Variants in MYCBP2 observed in about 807,000 individuals in gnomAD.
MYCBP2 encodes the protein E3 ubiquitin-protein ligase MYCBP2.
MYCBP2 carries 120 observed loss-of-function variants against 525.3 expected under a neutral mutation model. The ratio of observed to expected loss-of-function variants is 0.23; its 90% CI spans 0.20 to 0.27. The LOEUF (loss-of-function observed/expected upper bound fraction) is 0.27. MYCBP2 is among the 10% of genes least tolerant of loss of function. The pLI is 1.00. For synonymous variants in MYCBP2, 1,894 were observed against 1,955.8 expected (o/e 0.97, Z 0.83); for missense variants, 4,149 against 5,657.1 (o/e 0.73, Z 8.55).
chr13:77,064,565 G>A (rs775027580), intron 73 of MYCBP2, 50 bp downstream of exon 73: 23 of 1,512,738 alleles, frequency 1.5e-5, no homozygotes, highest in African/African-American at 2.8e-5. Flanking sequence ...AAAAGAACAC[G>A]CAATGATACA....
At chr13:77,073,620 C>A (rs1414841710) in intron 68 of MYCBP2, among the ~76,000 whole-genome samples, 1 of 152,044 alleles carries the variant, frequency 6.6e-6, no homozygotes, top group Non-Finnish European at 1.5e-5. Flanking sequence ...TTGAAGACTA[C>A]ATGATTATCT....
chr13:77,148,194 A>T (rs1594910407), intron 47 of MYCBP2, among the ~76,000 whole-genome samples: 1 of 152,134 alleles, frequency 6.6e-6, no homozygotes, highest in East Asian at 1.9e-4. Context: ...TGGATTTTTT[A>T]AAAAATGAGA....
At position 77,090,098 on chromosome 13, in the gene MYCBP2, A is replaced by G; in HGVS notation, c.10525+8T>C. 6.2e-7 allele frequency: 1 copy of G among 1,602,974 alleles called. No individual in the cohort carries two copies. Among genetic ancestry groups the G allele is most frequent in the South Asian group, 1.1e-5 (1 of 88,496 alleles). ...TCACTCAATATTCTTTTTTATCCTC[A>G]TACTTACCAGTGTCTCCACTGTTAA... is the stretch of plus-strand genomic sequence containing the variant. On this transcript the variant is annotated splice_region_variant and intron_variant, in intron 60 of 82. Transcript: ENST00000544440.
chr13:77,299,485 T>C (rs1353767900), intron 1 of MYCBP2, among the ~76,000 whole-genome samples: 1 of 152,140 alleles, frequency 6.6e-6, no homozygotes, highest in African/African-American at 2.4e-5. Flanking sequence ...GAGGTAGAAG[T>C]TTTCTAAAAG....
At chr13:77,153,252 A>G (rs2056760286) in intron 46 of MYCBP2, among the ~76,000 whole-genome samples, 1 of 152,050 alleles carries the variant, frequency 6.6e-6, no homozygotes, top group African/African-American at 2.4e-5. Flanking sequence ...ACAGACAACA[A>G]AGCTAAAAAA....
chr13:77,139,431 G>A (rs924633326), intron 51 of MYCBP2, 95 bp from the exon 52 acceptor site: 5 of 1,336,618 alleles, frequency 3.7e-6, no homozygotes, highest in Non-Finnish European at 5.1e-6. Context: ...AAATGATGGT[G>A]CATGTGCAGA....
At chr13:77,105,348 T>C (rs1262514641) in intron 55 of MYCBP2, among the ~76,000 whole-genome samples, 1 of 152,046 alleles carries the variant, frequency 6.6e-6, no homozygotes, top group Non-Finnish European at 1.5e-5. Context: ...TTCAATATAT[T>C]ACAAAGGCTA....
At chr13:77,260,808 T>C (rs1202000654) in intron 12 of MYCBP2, among the ~76,000 whole-genome samples, 1 of 152,208 alleles carries the variant, frequency 6.6e-6, no homozygotes, top group Non-Finnish European at 1.5e-5. Flanking sequence ...CATTGCTAGA[T>C]CCTCATTCCC....
At chr13:77,230,545 T>C (rs572720876) in intron 18 of MYCBP2, among the ~76,000 whole-genome samples, 37 of 152,364 alleles carry the variant, frequency 2.4e-4, no homozygotes, top group African/African-American at 8.7e-4. Flanking sequence ...ATGAGATATC[T>C]TGGGGATGGG....
Position 77,296,706 on chromosome 13 carries a change from A to G in MYCBP2, c.303-32T>C, listed in dbSNP as rs770261130. The G allele has an allele frequency of 5.5e-6, 7 of 1,270,192 alleles. No individual in the cohort carries two copies. The African/African-American group carries it at 1.1e-4, about 19-fold the overall frequency. 78.7% of individuals were successfully genotyped at this position (1,270,192 alleles called of 1,614,324 possible). A position where few individuals can be genotyped will look rare whatever the true frequency, so the allele number is the denominator to read the frequency against. On this transcript the variant is annotated intron_variant, in intron 1 of 82. Transcript: ENST00000544440. Reference sequence around the variant, plus strand: ...ATTAAAAGAAAAATGGGAAAAAAATATGAATGTTCATATTAGGACATACAA... The same window carrying G: ...ATTAAAAGAAAAATGGGAAAAAAATGTGAATGTTCATATTAGGACATACAA...
chr13:77,083,686 G>T (rs958970192), intron 62 of MYCBP2, among the ~76,000 whole-genome samples: 12 of 152,130 alleles, frequency 7.9e-5, no homozygotes, highest in Non-Finnish European at 1.5e-4. Flanking sequence ...GGAAAGAGAA[G>T]TAGGGGTTGA....
chr13:77,112,598 A>G (rs531919228), intron 55 of MYCBP2, among the ~76,000 whole-genome samples: 82 of 151,628 alleles, frequency 5.4e-4, no homozygotes, highest in African/African-American at 1.9e-3. Context: ...GCTGATCTTT[A>G]AAAAAATTTT....
chr13:77,136,108 C>G (rs1000294450), intron 52 of MYCBP2, among the ~76,000 whole-genome samples: 1 of 152,148 alleles, frequency 6.6e-6, no homozygotes, highest in South Asian at 2.1e-4. Context: ...CGTGAGCCAC[C>G]GTGCCCAGCC....
At chr13:77,158,382 C>G (rs1274661865) in intron 44 of MYCBP2, among the ~76,000 whole-genome samples, 1 of 152,114 alleles carries the variant, frequency 6.6e-6, no homozygotes, top group Non-Finnish European at 1.5e-5. Flanking sequence ...CCATGCCAGT[C>G]CTCTATATGT....
chr13:77,117,344 T>C (rs2049956933), intron 55 of MYCBP2, among the ~76,000 whole-genome samples: 1 of 152,058 alleles, frequency 6.6e-6, no homozygotes, highest in South Asian at 2.1e-4. Flanking sequence ...AATTAAACTT[T>C]CCTAATGGAT....
rs546404208 is a variant in MYCBP2 at position 77,246,589 on chromosome 13, G to A, written c.2382-2638C>T. Among the ~76,000 whole-genome samples the A allele has an allele frequency of 1.7e-3, 254 of 149,066 alleles. 1 individual carries two copies. The highest frequency in any genetic ancestry group is 6.9e-3 in the Middle Eastern group (2 of 288). On this transcript the variant is annotated intron_variant, in intron 15 of 82. Transcript: ENST00000544440. ...AGAAGGAGAAGGAGGAAAAGAAGGA[G>A]AAGGAGGAAGAGGAGGAGGAGAAGA...
At chr13:77,306,431 C>G (rs1427478024) in intron 1 of MYCBP2, among the ~76,000 whole-genome samples, 1 of 152,074 alleles carries the variant, frequency 6.6e-6, no homozygotes, top group Non-Finnish European at 1.5e-5. Context: ...GAGATGAAAA[C>G]AGATTTCTTA....
chr13:77,140,788 C>A (rs535116929), intron 50 of MYCBP2, 58 bp downstream of exon 50: 2 of 1,230,900 alleles, frequency 1.6e-6, no homozygotes, highest in African/African-American at 3.1e-5. Flanking sequence ...CATTTTGAAG[C>A]ATCAGTGACA....
At position 77,270,399 on chromosome 13, in the gene MYCBP2, T is replaced by C; in HGVS notation, c.1085A>G (p.Asp362Gly). The change falls in exon 6 of 83, where the codon GAT becomes GGT. Residue 362 changes from aspartate to glycine, a missense_variant. Around this residue, in one of 21 missense-constraint regions of MYCBP2, gnomAD observed 413 missense variants for 451.2 expected, o/e 0.92. Coordinates refer to ENST00000544440, the MANE Select transcript of MYCBP2 (RefSeq NM_015057.5). The part of the protein sequence containing the change: ...HKWPLKEISV[D>G]EDDQCLLQND... ...CTGAAGTAGACATTGGTCATCTTCA[T>C]CAACAGATATTTCTTTTAATGGCCA... is the stretch of plus-strand genomic sequence containing the variant. 1 of 1,613,788 alleles carries C rather than the reference T, an allele frequency of 6.2e-7. No homozygotes were observed. The highest frequency in any genetic ancestry group is 8.5e-7 in the Non-Finnish European group (1 of 1,179,816).
Sources: allele counts gnomAD v4.1 joint callset (sites outside exome capture counted in the v4.1 genomes callset), GRCh38; gene constraint gnomAD v4.1.1; regional missense constraint gnomAD v4.1.1; transcripts MANE v1.5; gene names NCBI Gene and HGNC (gene_info 2026-07-23, HGNC 2026-07-21).